Variants in MEGF6 observed in about 807,000 individuals in gnomAD.
The protein encoded by MEGF6 is multiple EGF like domains 6.
Under a neutral mutation model 207.1 loss-of-function variants are expected in MEGF6, and 184 were observed. The ratio of observed to expected loss-of-function variants is 0.89; its 90% CI spans 0.79 to 1.00. The LOEUF is 1.00. Ranked by LOEUF, MEGF6 falls within the 50% of genes least tolerant of loss-of-function variation. MEGF6 has a pLI of 0.00. For missense variants in MEGF6, 2,282 were observed against 2,202.9 expected, an observed-to-expected ratio of 1.04 and a Z score of -0.72; for synonymous variants, 1,038 against 910.0, an observed-to-expected ratio of 1.14 and a Z score of -2.53.
At chr1:3,597,582 T>G (rs1054850618) in intron 2 of MEGF6, among the ~76,000 whole-genome samples, 6 of 152,154 alleles carry the variant, frequency 3.9e-5, no homozygotes, top group Admixed American at 2.6e-4. Context: ...GGGACCCTAA[T>G]CCAGTGACGG....
At chr1:3,501,467 G>A (rs958154746) in intron 18 of MEGF6, among the ~76,000 whole-genome samples, 159 bp from the exon 19 acceptor site, 5 of 152,096 alleles carry the variant, frequency 3.3e-5, no homozygotes, top group African/African-American at 9.7e-5. Context: ...GGCACCTCCT[G>A]GGGCTGCAGG....
intron 4 of MEGF6, among the ~76,000 whole-genome samples, chr1:3,542,001 C>T (rs549250587): frequency 5.3e-5 from 8 of 152,362 alleles, no homozygotes; most frequent in South Asian, 4.1e-4. Context: ...AGCTGAGAGC[C>T]GGGTCCGGCA....
At chr1:3,502,413 GTC>G (rs201491371) in intron 17 of MEGF6, among the ~76,000 whole-genome samples, 4,151 of 152,298 alleles carry the variant, frequency 0.027, 185 homozygotes, top group African/African-American at 0.095. Context: ...TGCTGATCCA[GTC>G]TCTCCCACTC....
intron 4 of MEGF6, among the ~76,000 whole-genome samples, chr1:3,568,584 A>G (rs113773446): frequency 9.2e-5 from 14 of 152,146 alleles, no homozygotes; most frequent in African/African-American, 3.4e-4. Context: ...GAGCCCCCCA[A>G]ATGCAAGGAC....
intron 4 of MEGF6, among the ~76,000 whole-genome samples, chr1:3,545,640 TG>T (rs1385514875): frequency 6.6e-6 from 1 of 152,182 alleles, no homozygotes; most frequent in African/African-American, 2.4e-5. Context: ...CTGGAGCCTC[TG>T]GGGCTTTCCG....
intron 4 of MEGF6, among the ~76,000 whole-genome samples, chr1:3,549,040 C>T (rs904113771): frequency 3.3e-5 from 5 of 152,186 alleles, no homozygotes; most frequent in Non-Finnish European, 2.9e-5. Flanking sequence ...GCTGGGACCC[C>T]GCCTTGGGTA....
chr1:3,498,299 C>A (rs1640696620), intron 26 of MEGF6, 72 bp downstream of exon 26: 1 of 1,525,268 alleles, frequency 6.6e-7, no homozygotes, highest in Non-Finnish European at 8.8e-7. Flanking sequence ...CAGTCCTCAG[C>A]CCTGCAGTAA....
intron 1 of MEGF6, among the ~76,000 whole-genome samples, chr1:3,605,167 C>A (rs1644225065): frequency 1.3e-5 from 2 of 151,476 alleles, no homozygotes; most frequent in Admixed American, 1.3e-4. Flanking sequence ...GTCACATACA[C>A]CCTTACTCAT....
chr1:3,509,858 C>A lies in MEGF6; in HGVS notation c.1357+12G>T, dbSNP rs545381125. Reference sequence around the variant, plus strand: ...GCAGAGGCCGGTGCTCCGCGGAGGGCGGGAGACTCACGGCTGCAGCCCCTA... The same window carrying A: ...GCAGAGGCCGGTGCTCCGCGGAGGGAGGGAGACTCACGGCTGCAGCCCCTA... On this transcript the variant is annotated intron_variant, in intron 11 of 36. Coordinates refer to ENST00000356575, the MANE Select transcript of MEGF6 (RefSeq NM_001409.4). 3 of 1,549,226 alleles carry A rather than the reference C, an allele frequency of 1.9e-6. No individual in the cohort carries two copies. The highest frequency in any genetic ancestry group is 2.6e-6 in the Non-Finnish European group (3 of 1,147,720).
At chr1:3,611,766 T>G, upstream of MEGF6, among the ~76,000 whole-genome samples, 1 of 122,498 alleles carries the variant, frequency 8.2e-6, no homozygotes, top group African/African-American at 3.4e-5. Context: ...GCCCACAGCC[T>G]TCCCGAGTCC....
upstream of MEGF6, among the ~76,000 whole-genome samples, chr1:3,615,834 G>A (rs1287111256): frequency 2.6e-5 from 4 of 152,192 alleles, no homozygotes; most frequent in Non-Finnish European, 4.4e-5. Flanking sequence ...GCCTGGTGGG[G>A]CACCCAGGCC....
At chr1:3,543,639 C>G (rs1642602295) in intron 4 of MEGF6, among the ~76,000 whole-genome samples, 1 of 152,240 alleles carries the variant, frequency 6.6e-6, no homozygotes, top group South Asian at 2.1e-4. Flanking sequence ...GAGGCAGAGT[C>G]TGTGGCCCGG....
Sources: gnomAD v4.1 joint callset for allele counts (sites outside exome capture counted in the v4.1 genomes callset) on GRCh38, gnomAD v4.1.1 for gene constraint, MANE v1.5 for transcripts, NCBI Gene and HGNC (gene_info 2026-07-23, HGNC 2026-07-21) for gene names.